The following KLF12 variants were observed in gnomAD, a reference collection of about 807,000 sequenced individuals.
The protein encoded by KLF12 is Krueppel-like factor 12.
In KLF12, 9 loss-of-function variants were observed where a neutral mutation model predicts 37.8. That is an observed-to-expected ratio of 0.24 (90% CI 0.14 to 0.42). KLF12 has a LOEUF of 0.42. Ranked by LOEUF, KLF12 falls within the 10% of genes least tolerant of loss-of-function variation. The probability of loss-of-function intolerance (pLI) is 1.00; values close to 1 mark genes in which losing one functional copy is unlikely to be tolerated. For missense variants in KLF12, 411 were observed against 516.0 expected (o/e 0.80, Z 1.97); for synonymous variants, 208 against 202.1 (o/e 1.03, Z -0.25).
intron 6 of KLF12, among the ~76,000 whole-genome samples, chr13:73,751,389 T>A (rs1878747185): frequency 6.6e-6 from 1 of 152,164 alleles, no homozygotes; most frequent in Non-Finnish European, 1.5e-5. Context: ...TTTCTCTGCA[T>A]CCTTGCCAAC....
the KLF12 span, among the ~76,000 whole-genome samples, chr13:74,173,248 A>C: frequency 6.6e-6 from 1 of 152,188 alleles, no homozygotes; most frequent in Non-Finnish European, 1.5e-5. Flanking sequence ...ATGCCAGTGG[A>C]GAAAGGAACC....
chr13:73,734,852 A>G (rs1877333876), intron 6 of KLF12, among the ~76,000 whole-genome samples: 1 of 152,202 alleles, frequency 6.6e-6, no homozygotes, highest in Admixed American at 6.5e-5. Flanking sequence ...GAGATGACAT[A>G]GCAAGTAAGT....
chr13:73,813,345 T>C lies in KLF12; in HGVS notation c.671-58A>G, dbSNP rs76554302. 3.5e-4 allele frequency: 554 copies of C among 1,584,244 alleles called. 4 individuals are homozygous for C. The East Asian group carries it at 0.01, about 29-fold the overall frequency. On this transcript the variant is annotated intron_variant, in intron 4 of 7. Coordinates refer to ENST00000377669, the MANE Select transcript of KLF12 (RefSeq NM_007249.5). Reference sequence around the variant, plus strand: ...ATCAGTGCGCAGAAAGTTAACCTTGTCCTGGACCAACATCAAGTATGGAAC... The same window carrying C: ...ATCAGTGCGCAGAAAGTTAACCTTGCCCTGGACCAACATCAAGTATGGAAC...
chr13:74,126,076 A>G (rs1877923753), intron 1 of KLF12, among the ~76,000 whole-genome samples: 1 of 152,264 alleles, frequency 6.6e-6, no homozygotes, highest in African/African-American at 2.4e-5. Context: ...AACAGAAAGC[A>G]TAACATAGTG....
intron 1 of KLF12, among the ~76,000 whole-genome samples, chr13:74,071,043 C>T (rs1313726257): frequency 6.6e-6 from 1 of 152,184 alleles, no homozygotes; most frequent in Non-Finnish European, 1.5e-5. Context: ...CTTTACAGAA[C>T]TGTGATGCTC....
intron 2 of KLF12, among the ~76,000 whole-genome samples, chr13:73,964,882 T>C (rs913422259): frequency 2.0e-5 from 3 of 152,124 alleles, no homozygotes; most frequent in African/African-American, 7.2e-5. Context: ...ATCTGACACA[T>C]TAAGGTTGAT....
chr13:74,171,218 C>A, the KLF12 span, among the ~76,000 whole-genome samples: 1 of 152,158 alleles, frequency 6.6e-6, no homozygotes, highest in Middle Eastern at 3.2e-3. Context: ...TAAGATTTTA[C>A]TGAATTAATG....
intron 3 of KLF12, among the ~76,000 whole-genome samples, chr13:73,906,562 C>A (rs1355914852): frequency 6.6e-6 from 1 of 152,164 alleles, no homozygotes; most frequent in African/African-American, 2.4e-5. Context: ...TACTTGCTCA[C>A]TTTTGTGGTT....
chr13:74,255,230 G>T, the KLF12 span, among the ~76,000 whole-genome samples: 1 of 152,186 alleles, frequency 6.6e-6, no homozygotes, highest in Admixed American at 6.5e-5. Flanking sequence ...CCAAGTAAGT[G>T]CTCCATAAAT....
chr13:73,774,826 T>C (rs888296575), intron 5 of KLF12, among the ~76,000 whole-genome samples: 6 of 152,010 alleles, frequency 3.9e-5, no homozygotes, highest in Non-Finnish European at 7.4e-5. Context: ...ATTCAACAGT[T>C]ATTATCAATA....
chr13:73,837,225 A>G (rs1884481294), intron 4 of KLF12, among the ~76,000 whole-genome samples: 1 of 152,176 alleles, frequency 6.6e-6, no homozygotes, highest in Non-Finnish European at 1.5e-5. Flanking sequence ...ACAGTCTATG[A>G]GGAGCTTAGA....
intron 2 of KLF12, among the ~76,000 whole-genome samples, chr13:73,978,399 G>T (rs772104192): frequency 2.6e-5 from 4 of 152,130 alleles, no homozygotes; most frequent in Non-Finnish European, 5.9e-5. Flanking sequence ...GCAAATTAAA[G>T]CAACAACGAT....
chr13:73,905,332 C>T (rs113938664), intron 3 of KLF12, among the ~76,000 whole-genome samples: 6,034 of 150,038 alleles, frequency 0.04, 346 homozygotes, highest in African/African-American at 0.11. Context: ...TCTGAGACAG[C>T]GCTAACCTTT....
chr13:74,003,733 T>C (rs1307918933), intron 1 of KLF12, among the ~76,000 whole-genome samples: 1 of 152,200 alleles, frequency 6.6e-6, no homozygotes, highest in East Asian at 1.9e-4. Flanking sequence ...TGCTTACAGA[T>C]GGTGTTTCTG....
the KLF12 span, among the ~76,000 whole-genome samples, chr13:74,242,728 C>T: frequency 2.0e-5 from 3 of 152,020 alleles, no homozygotes; most frequent in South Asian, 4.2e-4. Context: ...AGCATCCTGC[C>T]CAAGGATACT....
intron 1 of KLF12, among the ~76,000 whole-genome samples, chr13:74,072,517 T>C (rs1171188775): frequency 6.6e-6 from 1 of 151,276 alleles, no homozygotes; most frequent in Non-Finnish European, 1.5e-5. Context: ...GCAGGAGGAT[T>C]GCTTGAGGCC....
the KLF12 span, among the ~76,000 whole-genome samples, chr13:74,211,796 T>C: frequency 6.6e-6 from 1 of 152,186 alleles, no homozygotes; most frequent in African/African-American, 2.4e-5. Context: ...TTTTAACAAA[T>C]GCAGTTTGGT....
chr13:74,018,779 T>C (rs377034136), intron 1 of KLF12, among the ~76,000 whole-genome samples: 48 of 152,314 alleles, frequency 3.2e-4, no homozygotes, highest in African/African-American at 1.1e-3. Flanking sequence ...CCTTTGGAAA[T>C]GGGCCACTGT....
chr13:73,950,324 T>G (rs1252323938), intron 2 of KLF12, among the ~76,000 whole-genome samples: 1 of 152,200 alleles, frequency 6.6e-6, no homozygotes. Flanking sequence ...AATTTACTAT[T>G]GGCATTTCCA....
Sources: allele counts gnomAD v4.1 joint callset (sites outside exome capture counted in the v4.1 genomes callset), GRCh38; gene constraint gnomAD v4.1.1; transcripts MANE v1.5; gene names NCBI Gene and HGNC (gene_info 2026-07-23, HGNC 2026-07-21).